The following RSRC1 variants were observed in gnomAD, a reference collection of about 807,000 sequenced individuals.
RSRC1 encodes arginine and serine rich coiled-coil 1.
RSRC1 carries 39 observed loss-of-function variants against 49.1 expected under a neutral mutation model. The ratio of observed to expected loss-of-function variants is 0.79; its 90% CI spans 0.61 to 1.04. The LOEUF (loss-of-function observed/expected upper bound fraction) is 1.04, where lower values mean the gene tolerates loss of function less well. Among genes scored for constraint, RSRC1 ranks in the 50% least tolerant of loss-of-function variants. The pLI, the probability that RSRC1 is intolerant of heterozygous loss-of-function variation, is 0.00. For synonymous variants in RSRC1, 143 were observed against 130.8 expected (o/e 1.09, Z -0.63); for missense variants, 388 against 402.4 (o/e 0.96, Z 0.31).
At chr3:158,203,567 C>A (rs1721191700) in intron 4 of RSRC1, among the ~76,000 whole-genome samples, 1 of 152,106 alleles carries the variant, frequency 6.6e-6, no homozygotes, top group South Asian at 2.1e-4. Context: ...GTTTCATACT[C>A]TGTTTCCTTT....
intron 4 of RSRC1, among the ~76,000 whole-genome samples, chr3:158,263,853 C>T (rs905007255): frequency 6.6e-6 from 1 of 151,782 alleles, no homozygotes; most frequent in African/African-American, 2.4e-5. Context: ...TCTTTTTATC[C>T]TTTTAGCGTC....
chr3:158,387,776 C>T (rs1733045504), intron 6 of RSRC1, among the ~76,000 whole-genome samples: 1 of 152,054 alleles, frequency 6.6e-6, no homozygotes, highest in Non-Finnish European at 1.5e-5. Flanking sequence ...CTTCTTGTAT[C>T]ATTATTTTTA....
At chr3:158,403,362 T>C (rs1038191247) in intron 6 of RSRC1, among the ~76,000 whole-genome samples, 1 of 151,850 alleles carries the variant, frequency 6.6e-6, no homozygotes, top group African/African-American at 2.4e-5. Flanking sequence ...ACTTTCTTTT[T>C]TAGAGACACT....
chr3:158,288,858 T>C (rs1416173085), intron 4 of RSRC1, among the ~76,000 whole-genome samples: 1 of 96,778 alleles, frequency 1.0e-5, no homozygotes, highest in African/African-American at 4.2e-5. Context: ...CCAAATATTT[T>C]TGATCTGTGG....
intron 5 of RSRC1, among the ~76,000 whole-genome samples, chr3:158,309,880 A>G (rs939819183): frequency 2.6e-5 from 4 of 151,730 alleles, no homozygotes; most frequent in Admixed American, 6.6e-5. Flanking sequence ...CATGTAGATT[A>G]TATCTTTGGT....
intron 6 of RSRC1, among the ~76,000 whole-genome samples, chr3:158,457,739 T>G (rs1053330030): frequency 2.7e-5 from 2 of 73,946 alleles, no homozygotes; most frequent in East Asian, 2.7e-4. Context: ...TGTTTTTTTT[T>G]GTTTTTTTTT....
chr3:158,143,277 A>G (rs150576155), intron 3 of RSRC1, among the ~76,000 whole-genome samples: 1 of 152,192 alleles, frequency 6.6e-6, no homozygotes, highest in Non-Finnish European at 1.5e-5. Context: ...TTTGAAAGGG[A>G]TTCAGGCAGG....
At chr3:158,367,257 A>G (rs962256127) in intron 6 of RSRC1, among the ~76,000 whole-genome samples, 1 of 152,076 alleles carries the variant, frequency 6.6e-6, no homozygotes. Context: ...ATTCAGTATG[A>G]TATTGGCTGT....
At chr3:158,361,955 T>A (rs1298543630) in intron 6 of RSRC1, among the ~76,000 whole-genome samples, 2 of 152,230 alleles carry the variant, frequency 1.3e-5, no homozygotes, top group Admixed American at 1.3e-4. Context: ...TTTATATTGA[T>A]GTTGATTCAT....
In RSRC1 at chr3:158,523,776, A is replaced by G. The variant is rs895539015; in HGVS notation, c.653-13316A>G. Among the ~76,000 whole-genome samples the G allele has an allele frequency of 2.0e-5, 3 of 152,118 alleles. No individual in the cohort carries two copies. In the South Asian group the frequency reaches 6.2e-4, roughly 31 times the overall value. ...AAATTGCCCATGTTTGATGAGAGGA[A>G]TGAGCAGGAGCATGGTCATAGTGGG... On this transcript the variant is annotated intron_variant, in intron 7 of 9. Coordinates refer to ENST00000611884, the MANE Select transcript of RSRC1 (RefSeq NM_001271838.2).
chr3:158,189,709 T>C (rs1278148785), intron 3 of RSRC1, among the ~76,000 whole-genome samples: 1 of 151,958 alleles, frequency 6.6e-6, no homozygotes, highest in Admixed American at 6.6e-5. Context: ...CTTTCAATTG[T>C]ATTATTTAGT....
At chr3:158,452,791 T>G (rs1737113219) in intron 6 of RSRC1, among the ~76,000 whole-genome samples, 1 of 152,166 alleles carries the variant, frequency 6.6e-6, no homozygotes, top group Non-Finnish European at 1.5e-5. Context: ...TTCTTAACTT[T>G]GTAGATGGAA....
chr3:158,144,513 T>G (rs1716956017), intron 3 of RSRC1, among the ~76,000 whole-genome samples: 1 of 152,204 alleles, frequency 6.6e-6, no homozygotes, highest in Non-Finnish European at 1.5e-5. Flanking sequence ...ATGTGCCACG[T>G]TTTCTTAATC....
intron 7 of RSRC1, among the ~76,000 whole-genome samples, chr3:158,523,308 A>G (rs1711809687): frequency 6.6e-6 from 1 of 152,082 alleles, no homozygotes; most frequent in Non-Finnish European, 1.5e-5. Context: ...TCAGTTTTAC[A>G]TGAAATGAAA....
At chr3:158,281,186 A>G (rs1304658507) in intron 4 of RSRC1, among the ~76,000 whole-genome samples, 1 of 152,190 alleles carries the variant, frequency 6.6e-6, no homozygotes, top group Non-Finnish European at 1.5e-5. Flanking sequence ...GAAAAAGAAG[A>G]AAGTGAAGTG....
chr3:158,123,395 A>T (rs1289905712), intron 2 of RSRC1, among the ~76,000 whole-genome samples: 3 of 152,074 alleles, frequency 2.0e-5, no homozygotes, highest in African/African-American at 7.2e-5. Context: ...GACTCAAGGG[A>T]TCCTCCCACC....
chr3:158,525,288 A>G (rs943380161), intron 7 of RSRC1, among the ~76,000 whole-genome samples: 1 of 152,008 alleles, frequency 6.6e-6, no homozygotes. Flanking sequence ...GATGGCCAAT[A>G]ATCTTATGAA....
intron 5 of RSRC1, among the ~76,000 whole-genome samples, chr3:158,316,787 C>G (rs1387675470): frequency 6.6e-6 from 1 of 152,158 alleles, no homozygotes; most frequent in Non-Finnish European, 1.5e-5. Flanking sequence ...ATTGTTTGGC[C>G]TGCTCTTGGT....
At chr3:158,383,539 A>C (rs973318395) in intron 6 of RSRC1, among the ~76,000 whole-genome samples, 5 of 152,158 alleles carry the variant, frequency 3.3e-5, no homozygotes, top group African/African-American at 1.2e-4. Flanking sequence ...AGGGAAAATC[A>C]TGAAGTTGCA....
Sources: gnomAD v4.1 joint callset for allele counts (sites outside exome capture counted in the v4.1 genomes callset) on GRCh38, gnomAD v4.1.1 for gene constraint, MANE v1.5 for transcripts, NCBI Gene and HGNC (gene_info 2026-07-23, HGNC 2026-07-21) for gene names.